Variants in MED21 observed in about 807,000 individuals in gnomAD.
The protein encoded by MED21 is mediator of RNA polymerase II transcription subunit 21.
Under a neutral mutation model 18.2 loss-of-function variants are expected in MED21, and 9 were observed. That is an observed-to-expected ratio of 0.49 (90% CI 0.30 to 0.86). The LOEUF (loss-of-function observed/expected upper bound fraction) is 0.86, where lower values mean the gene tolerates loss of function less well. Ranked by LOEUF, MED21 falls within the 40% of genes least tolerant of loss-of-function variation. The pLI is 0.07. For missense variants in MED21, 150 were observed against 170.9 expected (o/e 0.88, Z 0.68); for synonymous variants, 73 against 60.5 (o/e 1.21, Z -0.96).
chr12:27,030,293 C>T lies in MED21; in HGVS notation c.*1832C>T. 1 of 497,934 alleles carries T rather than the reference C, an allele frequency of 2.0e-6. No individual in the cohort carries two copies. Among genetic ancestry groups the T allele is most frequent in the Non-Finnish European group, 3.6e-6 (1 of 277,582 alleles). The allele number at this position is 497,934 out of a possible 1,614,324, so 30.8% of individuals were successfully genotyped here. A position where few individuals can be genotyped will look rare whatever the true frequency, so the allele number is the denominator to read the frequency against. On this transcript the variant is annotated 3_prime_UTR_variant, in exon 4 of 4. Coordinates refer to ENST00000282892, the MANE Select transcript of MED21 (RefSeq NM_004264.5). The stretch of plus-strand genomic sequence containing the variant: ...TACAGGCATGTACTACCACGTCCAG[C>T]TAATTTTTTTTTTCTTTTTTTTTTA...
chr12:27,025,456 T>G (rs80060984), intron 1 of MED21, among the ~76,000 whole-genome samples: 3,022 of 151,932 alleles, frequency 0.02, 103 homozygotes, highest in African/African-American at 0.069. Flanking sequence ...TTTGATCAGG[T>G]TAAAATAAAT....
At chr12:27,038,409 A>C (rs567742181) in intron 2 of MED21, 1 of 152,368 alleles carries the variant, frequency 6.6e-6, no homozygotes, top group Admixed American at 6.5e-5. Context: ...ATTTTTAAAC[A>C]AAATAAGTAG....
intron 3 of MED21, among the ~76,000 whole-genome samples, chr12:27,027,906 G>A (rs989255829): frequency 1.3e-5 from 2 of 152,112 alleles, no homozygotes; most frequent in Non-Finnish European, 2.9e-5. Context: ...TTTTGGAGGG[G>A]ATGCATTCAA....
intron 1 of MED21, among the ~76,000 whole-genome samples, chr12:27,023,990 G>A (rs1035097380): frequency 6.6e-6 from 1 of 152,180 alleles, no homozygotes; most frequent in Non-Finnish European, 1.5e-5. Context: ...CAAGCACTAA[G>A]GAACGCATTG....
chr12:27,023,393 G>C (rs4964031), intron 1 of MED21, among the ~76,000 whole-genome samples: 60,037 of 137,856 alleles, frequency 0.44, 13,126 homozygotes, highest in East Asian at 0.87. Flanking sequence ...TCCGCCTCCC[G>C]GGTTCAAGCG....
chr12:27,024,893 T>G (rs941977345), intron 1 of MED21, among the ~76,000 whole-genome samples: 5 of 152,240 alleles, frequency 3.3e-5, no homozygotes, highest in Non-Finnish European at 7.3e-5. Context: ...TATGGAGTGA[T>G]GTGAACCAAA....
At chr12:27,036,258 A>C (rs1941648889) in intron 2 of MED21, among the ~76,000 whole-genome samples, 1 of 152,088 alleles carries the variant, frequency 6.6e-6, no homozygotes, top group African/African-American at 2.4e-5. Flanking sequence ...GTCTGTTCAT[A>C]TCCTTTGCCC....
intron 1 of MED21, chr12:27,022,823 GGAGCAGACTCTTTCGCT>G: frequency 6.7e-7 from 1 of 1,495,426 alleles, no homozygotes. Context: ...GGTGCGGGAG[GGAGCAGACTCTTTCGCT>G]TGAGGAGACC....
At chr12:27,026,877 TC>T (rs766050295) in intron 2 of MED21, among the ~76,000 whole-genome samples, 55 of 152,356 alleles carry the variant, frequency 3.6e-4, no homozygotes, top group Non-Finnish European at 6.3e-4. Context: ...TATGCTTAAT[TC>T]CCAATTTGAG....
Position 27,028,538 on chromosome 12 carries a change from G to C in MED21, c.*77G>C. The C allele has an allele frequency of 6.6e-7, 1 of 1,504,200 alleles. No individual in the cohort carries two copies. Among genetic ancestry groups the C allele is most frequent in the Non-Finnish European group, 8.9e-7 (1 of 1,121,646 alleles). The allele number at this position is 1,504,200 out of a possible 1,614,324, so 93.2% of individuals were successfully genotyped here. A position where few individuals can be genotyped will look rare whatever the true frequency, so the allele number is the denominator to read the frequency against. ...AATTCTGCATCAGACTTAGATACAA[G>C]CCTTACCAACAATTACAGAAACATT... On this transcript the variant is annotated 3_prime_UTR_variant, in exon 4 of 4. Coordinates refer to ENST00000282892, the MANE Select transcript of MED21 (RefSeq NM_004264.5).
chr12:27,036,197 G>T (rs1941648604), intron 2 of MED21, among the ~76,000 whole-genome samples: 2 of 152,210 alleles, frequency 1.3e-5, no homozygotes, highest in Admixed American at 6.5e-5. Context: ...CAGTGATGAT[G>T]AGCATTTTTT....
intron 1 of MED21, 77 bp downstream of exon 1, chr12:27,022,698 CA>C (rs1401970077): frequency 4.3e-6 from 7 of 1,611,100 alleles, no homozygotes. Context: ...GCCCAAGAGG[CA>C]AAACTTGAAA....
chr12:27,028,214 T>G, intron 3 of MED21, 71 bp from the exon 4 acceptor site: 1 of 1,442,598 alleles, frequency 6.9e-7, no homozygotes, highest in Non-Finnish European at 9.2e-7. Flanking sequence ...CATCCAGATT[T>G]AAAAATAAGT....
chr12:27,029,836 T>C lies in MED21; in HGVS notation c.*1375T>C, dbSNP rs17487041. ...AAACTTATTCAAAGTACCTAAGTATTATAAAGGAGTCAAAAAGGTACAAAG... is the reference window on the plus strand; with the variant it reads ...AAACTTATTCAAAGTACCTAAGTATCATAAAGGAGTCAAAAAGGTACAAAG... On this transcript the variant is annotated 3_prime_UTR_variant, in exon 4 of 4. Coordinates refer to ENST00000282892, the MANE Select transcript of MED21 (RefSeq NM_004264.5). The C allele has an allele frequency of 0.12, 118,298 of 1,001,802 alleles. 7,509 individuals carry two copies. The highest frequency in any genetic ancestry group is 0.13 in the Non-Finnish European group (107,844 of 838,612). 62.1% of individuals were successfully genotyped at this position (1,001,802 alleles called of 1,614,324 possible).
chr12:27,026,487 ATAT>A lies in MED21; in HGVS notation c.112_114del (p.Ile38del). 1 of 1,613,938 alleles carries A rather than the reference ATAT, an allele frequency of 6.2e-7. No individual in the cohort carries two copies. Among genetic ancestry groups the A allele is most frequent in the Non-Finnish European group, 8.5e-7 (1 of 1,179,936 alleles). On this transcript the variant is annotated inframe_deletion, in exon 2 of 4. Coordinates refer to ENST00000282892, the MANE Select transcript of MED21 (RefSeq NM_004264.5). The stretch of plus-strand genomic sequence containing the variant: ...TGTGGTCCTCCTGCCTCTTTCAATA[ATAT>A]TCAGACAGCAATTAACAAAGACCAG...
Position 27,028,788 on chromosome 12 carries a change from C to A in MED21, c.*327C>A. On this transcript the variant is annotated 3_prime_UTR_variant, in exon 4 of 4. Transcript: ENST00000282892. ...TATGTCTCCATTTTGTTGTATTGGC[C>A]AGTACTTTTACAAATCAAAACATCT... is the stretch of plus-strand genomic sequence containing the variant. 9.9e-7 allele frequency: 1 copy of A among 1,008,282 alleles called. No homozygotes were observed. Among genetic ancestry groups the A allele is most frequent in the South Asian group, 4.4e-5 (1 of 22,776 alleles). The allele number at this position is 1,008,282 out of a possible 1,614,324, so 62.5% of individuals were successfully genotyped here.
rs959584399 is a variant in MED21 at position 27,036,838 on chromosome 12, G to A, written n.147-9316G>A. On this transcript the variant is annotated intron_variant and non_coding_transcript_variant, in intron 2 of 4. Coordinates refer to the MED21 transcript ENST00000538186. ...CCAGTACCATGCTGTTTTGGTTACT[G>A]TAGCCTTGTAGTATAGTTTGAAGTC... 4.3e-4 allele frequency among the ~76,000 whole-genome samples: 66 copies of A among 152,278 alleles called. 1 individual carries two copies. The highest frequency in any genetic ancestry group is 7.4e-4 in the Non-Finnish European group (50 of 68,012).
At chr12:27,035,595 C>A (rs1260695515), downstream of MED21, among the ~76,000 whole-genome samples, 1 of 114,226 alleles carries the variant, frequency 8.8e-6, no homozygotes, top group African/African-American at 3.3e-5. Flanking sequence ...CCCCTCCCCC[C>A]ACCCCACAAC....
downstream of MED21, among the ~76,000 whole-genome samples, chr12:27,030,963 A>C (rs187671030): frequency 1.3e-5 from 2 of 152,306 alleles, no homozygotes; most frequent in East Asian, 3.9e-4. Flanking sequence ...GCTGGAGTGC[A>C]ATGGCACGAT....
Sources: gnomAD v4.1 joint callset for allele counts (sites outside exome capture counted in the v4.1 genomes callset) on GRCh38, gnomAD v4.1.1 for gene constraint, MANE v1.5 for transcripts, NCBI Gene and HGNC (gene_info 2026-07-23, HGNC 2026-07-21) for gene names.